TTC6: variants seen among roughly 807,000 people sequenced by gnomAD.
TTC6 encodes the protein tetratricopeptide repeat protein 6.
TTC6 carries 172 observed loss-of-function variants against 210.4 expected under a neutral mutation model. The observed-to-expected ratio is 0.82, with a 90% CI of 0.72 to 0.93. The LOEUF is 0.93. Ranked by LOEUF, TTC6 falls within the 40% of genes least tolerant of loss-of-function variation. The pLI is 0.00. For missense variants in TTC6, 2,414 were observed against 2,318.1 expected, an observed-to-expected ratio of 1.04 and a Z score of -0.85; for synonymous variants, 804 against 819.6, an observed-to-expected ratio of 0.98 and a Z score of 0.32.
chr14:37,758,303 G>T (rs1274713074), intron 14 of TTC6, among the ~76,000 whole-genome samples: 1 of 152,164 alleles, frequency 6.6e-6, no homozygotes, highest in Non-Finnish European at 1.5e-5. Flanking sequence ...CATTATTATT[G>T]TGTGGGAGTC....
At chr14:37,677,273 T>C (rs1040972099) in intron 1 of TTC6, among the ~76,000 whole-genome samples, 1 of 152,058 alleles carries the variant, frequency 6.6e-6, no homozygotes, top group African/African-American at 2.4e-5. Flanking sequence ...GTTTTTTGGT[T>C]AAATTTATTT....
rs555544620 is a variant in TTC6, at chr14:37,705,760, T to C, written c.1571+4234T>C. ...GAATGCGACAATTAATATAGAGTTG[T>C]GCAGAGTGCTATGTGGAAACATGTA... On this transcript the variant is annotated intron_variant, in intron 5 of 30. Coordinates refer to ENST00000553443, the Ensembl canonical transcript of TTC6. Among the ~76,000 whole-genome samples, 3 of 8,292 alleles carry C rather than the reference T, an allele frequency of 3.6e-4. No homozygotes were observed. In the East Asian group the frequency reaches 0.012, roughly 32 times the overall value. 5.4% of individuals were successfully genotyped at this position (8,292 alleles called of 152,430 possible). A position where few individuals can be genotyped will look rare whatever the true frequency, so the allele number is the denominator to read the frequency against.
chr14:37,669,347 G>A (rs1436448210), intron 1 of TTC6, among the ~76,000 whole-genome samples: 2 of 152,116 alleles, frequency 1.3e-5, no homozygotes, highest in African/African-American at 4.8e-5. Context: ...TACAGTAAGT[G>A]GCACGTGTGC....
intron 25 of TTC6, among the ~76,000 whole-genome samples, chr14:37,813,394 GCAA>G (rs889669210): frequency 6.6e-6 from 1 of 152,170 alleles, no homozygotes; most frequent in Admixed American, 6.6e-5. Context: ...AAAACGATGG[GCAA>G]CAGTGTTGAG....
intron 1 of TTC6, among the ~76,000 whole-genome samples, chr14:37,676,718 C>A (rs2095770505): frequency 6.6e-6 from 1 of 151,976 alleles, no homozygotes; most frequent in South Asian, 2.1e-4. Context: ...AGGTATTTGA[C>A]CCATTTTTAG....
intron 21 of TTC6, among the ~76,000 whole-genome samples, chr14:37,805,817 C>T (rs939736889): frequency 3.9e-5 from 6 of 152,256 alleles, no homozygotes; most frequent in Admixed American, 6.5e-5. Context: ...TCTCCTGCCT[C>T]AGCCTCCCGA....
At chr14:37,804,694 G>A (rs1290431640) in exon 21 of TTC6, 6 of 1,613,612 alleles carry the variant, frequency 3.7e-6, no homozygotes, top group Middle Eastern at 1.6e-4. Flanking sequence ...CTGTGGAAGT[G>A]CTTAAGAAGG....
chr14:37,706,782 CTT>C (rs35060409), intron 5 of TTC6, among the ~76,000 whole-genome samples: 8,711 of 151,982 alleles, frequency 0.057, 383 homozygotes, highest in Non-Finnish European at 0.089. Flanking sequence ...GTGAAAACCA[CTT>C]TGTTTTATTT....
Position 37,790,842 on chromosome 14 carries a change from G to A in TTC6, c.3557+5G>A, listed in dbSNP as rs2096077678. Reference sequence around the variant, plus strand: ...AACTGTCATTTCTCTAGAAAGGTATGTTTTCCTTTTCATATTTATTGATTT... The same window carrying A: ...AACTGTCATTTCTCTAGAAAGGTATATTTTCCTTTTCATATTTATTGATTT... On this transcript the variant is annotated splice_donor_5th_base_variant and intron_variant, in intron 16 of 30. Coordinates refer to ENST00000553443, the Ensembl canonical transcript of TTC6. 4.6e-6 allele frequency: 7 copies of A among 1,517,700 alleles called. No homozygotes were observed. Among genetic ancestry groups the A allele is most frequent in the Non-Finnish European group, 6.1e-6 (7 of 1,142,206 alleles). 94.0% of individuals were successfully genotyped at this position (1,517,700 alleles called of 1,614,324 possible). A position where few individuals can be genotyped will look rare whatever the true frequency, so the allele number is the denominator to read the frequency against.
intron 2 of TTC6, among the ~76,000 whole-genome samples, chr14:37,616,569 T>C (rs1340109418): frequency 6.6e-6 from 1 of 151,966 alleles, no homozygotes; most frequent in Non-Finnish European, 1.5e-5. Context: ...TGGTGGCGGG[T>C]CTCTGTAGTC....
intron 1 of TTC6, among the ~76,000 whole-genome samples, chr14:37,641,934 A>G (rs1050775391): frequency 7.9e-5 from 12 of 152,214 alleles, no homozygotes; most frequent in Non-Finnish European, 1.5e-4. Flanking sequence ...TGAGACTGGA[A>G]CTATTTAGTT....
intron 1 of TTC6, among the ~76,000 whole-genome samples, chr14:37,657,693 G>C (rs2095727473): frequency 6.6e-6 from 1 of 152,188 alleles, no homozygotes. Flanking sequence ...AAGTAGAGAG[G>C]AAGAGCAGAG....
intron 3 of TTC6, among the ~76,000 whole-genome samples, chr14:37,686,843 C>G (rs1295487754): frequency 6.6e-6 from 1 of 152,140 alleles, no homozygotes; most frequent in Non-Finnish European, 1.5e-5. Flanking sequence ...ATTATGGGAG[C>G]TACAATTCAA....
At chr14:37,787,257 T>C (rs1024038124) in intron 14 of TTC6, among the ~76,000 whole-genome samples, 2 of 152,350 alleles carry the variant, frequency 1.3e-5, no homozygotes, top group Non-Finnish European at 2.9e-5. Context: ...ATGTACCTGA[T>C]AAGCATATAA....
At chr14:37,635,560 C>G (rs774983263) in intron 1 of TTC6, among the ~76,000 whole-genome samples, 2 of 152,030 alleles carry the variant, frequency 1.3e-5, no homozygotes, top group Admixed American at 6.6e-5. Context: ...AAATGTTTTT[C>G]CAATATGATG....
intron 14 of TTC6, among the ~76,000 whole-genome samples, chr14:37,782,412 G>A (rs1313549420): frequency 6.6e-6 from 1 of 152,142 alleles, no homozygotes; most frequent in East Asian, 1.9e-4. Context: ...GTTCACTCAT[G>A]ATTTGGCTCT....
intron 29 of TTC6, among the ~76,000 whole-genome samples, chr14:37,833,053 TC>T (rs2096189724): frequency 1.6e-4 from 2 of 12,618 alleles, no homozygotes. Flanking sequence ...TGAGACTCCA[TC>T]AAAAAAAAAA....
At chr14:37,778,902 A>T (rs1362914577) in intron 14 of TTC6, among the ~76,000 whole-genome samples, 1 of 152,156 alleles carries the variant, frequency 6.6e-6, no homozygotes, top group South Asian at 2.1e-4. Context: ...CAACTCCCCT[A>T]GGGCTAAAGT....
At chr14:37,841,532 A>G (rs1418874388) in exon 30 of TTC6, 1 of 1,603,142 alleles carries the variant, frequency 6.2e-7, no homozygotes, top group Admixed American at 1.8e-5. Context: ...TACAATATTA[A>G]AGAAATATGA....
Sources: allele counts gnomAD v4.1 joint callset (sites outside exome capture counted in the v4.1 genomes callset), GRCh38; gene constraint gnomAD v4.1.1; transcripts MANE v1.5; gene names NCBI Gene and HGNC (gene_info 2026-07-23, HGNC 2026-07-21).